Variants in PHACTR1 observed in about 807,000 individuals in gnomAD.
PHACTR1 encodes the protein phosphatase and actin regulator 1.
Under a neutral mutation model 69.2 loss-of-function variants are expected in PHACTR1, and 16 were observed. The observed-to-expected ratio is 0.23, with a 90% CI of 0.16 to 0.35. The LOEUF is 0.35. Among genes scored for constraint, PHACTR1 ranks in the 10% least tolerant of loss-of-function variants. The probability of loss-of-function intolerance (pLI) is 1.00; values close to 1 mark genes in which losing one functional copy is unlikely to be tolerated. For missense variants in PHACTR1, 510 were observed against 734.7 expected (o/e 0.69, Z 3.54); for synonymous variants, 312 against 284.5 (o/e 1.10, Z -0.97).
At chr6:12,965,686 GAA>G (rs1403379330) in intron 4 of PHACTR1, among the ~76,000 whole-genome samples, 1 of 152,134 alleles carries the variant, frequency 6.6e-6, no homozygotes, top group African/African-American at 2.4e-5. Context: ...TGGTTCAACA[GAA>G]ACAAACAGAA....
At chr6:13,231,974 A>G (rs182712758) in intron 10 of PHACTR1, among the ~76,000 whole-genome samples, 3 of 152,316 alleles carry the variant, frequency 2.0e-5, no homozygotes, top group Middle Eastern at 3.4e-3. Flanking sequence ...TGTACCAGAC[A>G]CTGTTGTGAG....
At chr6:13,109,898 T>C (rs1816771074) in intron 5 of PHACTR1, among the ~76,000 whole-genome samples, 1 of 151,672 alleles carries the variant, frequency 6.6e-6, no homozygotes, top group Non-Finnish European at 1.5e-5. Context: ...TCTATTCTTG[T>C]GTCTTCAAGT....
intron 4 of PHACTR1, among the ~76,000 whole-genome samples, chr6:12,807,775 A>G (rs185218228): frequency 2.0e-4 from 31 of 152,278 alleles, no homozygotes; most frequent in African/African-American, 6.7e-4. Context: ...TTCTCCCTAG[A>G]TCTTGAGCTT....
At chr6:12,989,405 A>C (rs986021470) in intron 4 of PHACTR1, among the ~76,000 whole-genome samples, 2 of 152,226 alleles carry the variant, frequency 1.3e-5, no homozygotes, top group African/African-American at 4.8e-5. Flanking sequence ...GAAAGTTATC[A>C]TCAGGAGGTG....
intron 5 of PHACTR1, among the ~76,000 whole-genome samples, chr6:13,132,005 A>G (rs1316745416): frequency 1.3e-5 from 2 of 152,212 alleles, no homozygotes; most frequent in Non-Finnish European, 2.9e-5. Context: ...TAAGTAAAAC[A>G]GTGCACTAGA....
At chr6:12,747,496 T>C (rs1208111206) in intron 3 of PHACTR1, among the ~76,000 whole-genome samples, 1 of 151,772 alleles carries the variant, frequency 6.6e-6, no homozygotes, top group African/African-American at 2.4e-5. Context: ...AGACCGCATC[T>C]CTACAAAAAA....
chr6:13,170,428 A>T (rs922851949), intron 6 of PHACTR1, among the ~76,000 whole-genome samples: 7 of 152,274 alleles, frequency 4.6e-5, no homozygotes, highest in Middle Eastern at 3.4e-3. Context: ...TACGTGGGGC[A>T]TAGTGGGCAT....
intron 4 of PHACTR1, among the ~76,000 whole-genome samples, chr6:12,922,899 C>T (rs1787875263): frequency 6.6e-6 from 1 of 152,178 alleles, no homozygotes; most frequent in Non-Finnish European, 1.5e-5. Flanking sequence ...CACCTCCTCC[C>T]ACAACCCACC....
chr6:13,059,898 A>G (rs368875580), intron 5 of PHACTR1, among the ~76,000 whole-genome samples: 35 of 152,266 alleles, frequency 2.3e-4, no homozygotes, highest in African/African-American at 7.2e-4. Flanking sequence ...GTTTGCATAT[A>G]TATAATAATT....
chr6:12,919,495 G>C (rs917221130), intron 4 of PHACTR1, among the ~76,000 whole-genome samples: 4 of 152,160 alleles, frequency 2.6e-5, no homozygotes, highest in African/African-American at 9.7e-5. Flanking sequence ...GTGCACACTG[G>C]TACTAAGATC....
At chr6:12,728,414 G>T (rs1763070846) in intron 3 of PHACTR1, among the ~76,000 whole-genome samples, 1 of 151,818 alleles carries the variant, frequency 6.6e-6, no homozygotes, top group Admixed American at 6.6e-5. Flanking sequence ...ATTTTATAAG[G>T]TTATATTTAT....
intron 4 of PHACTR1, among the ~76,000 whole-genome samples, chr6:12,879,412 G>A (rs1178460219): frequency 1.3e-5 from 2 of 152,230 alleles, no homozygotes; most frequent in Non-Finnish European, 2.9e-5. Context: ...CAGGCAACTG[G>A]GGAACCCTCG....
chr6:13,038,717 T>C (rs1318106298), intron 4 of PHACTR1, among the ~76,000 whole-genome samples: 1 of 152,160 alleles, frequency 6.6e-6, no homozygotes, highest in African/African-American at 2.4e-5. Context: ...TAGTAATAAC[T>C]AACATAAGAT....
At chr6:12,779,710 A>G (rs1770571973) in intron 4 of PHACTR1, among the ~76,000 whole-genome samples, 1 of 151,922 alleles carries the variant, frequency 6.6e-6, no homozygotes, top group South Asian at 2.1e-4. Context: ...CGAAACGGCT[A>G]TTTTCTTGTT....
At chr6:13,004,114 A>G (rs1188580292) in intron 4 of PHACTR1, among the ~76,000 whole-genome samples, 1 of 150,610 alleles carries the variant, frequency 6.6e-6, no homozygotes, top group African/African-American at 2.5e-5. Context: ...ATAATGATTT[A>G]TTTTCCTTTG....
intron 4 of PHACTR1, among the ~76,000 whole-genome samples, chr6:12,920,543 A>G (rs944343434): frequency 2.0e-5 from 3 of 152,258 alleles, no homozygotes; most frequent in East Asian, 1.9e-4. Flanking sequence ...TCCATTCATT[A>G]TTAAGTTTTT....
chr6:12,752,961 A>G (rs1766808718), intron 4 of PHACTR1, among the ~76,000 whole-genome samples: 1 of 152,238 alleles, frequency 6.6e-6, no homozygotes, highest in South Asian at 2.1e-4. Flanking sequence ...ACTTCTGTTC[A>G]GCATTTAGTA....
intron 10 of PHACTR1, among the ~76,000 whole-genome samples, chr6:13,269,145 C>T (rs966836730): frequency 2.0e-5 from 3 of 152,064 alleles, no homozygotes; most frequent in African/African-American, 4.8e-5. Context: ...CAAATGTAGG[C>T]GCCACCCACA....
intron 4 of PHACTR1, among the ~76,000 whole-genome samples, chr6:12,818,175 GTAACAAACC>G (rs1775803428): frequency 1.3e-5 from 2 of 152,108 alleles, no homozygotes; most frequent in South Asian, 4.1e-4. Flanking sequence ...TGTTTGCTAC[GTAACAAACC>G]TACCCAGAAG....
Sources: gnomAD v4.1 joint callset for allele counts (sites outside exome capture counted in the v4.1 genomes callset) on GRCh38, gnomAD v4.1.1 for gene constraint, MANE v1.5 for transcripts, NCBI Gene and HGNC (gene_info 2026-07-23, HGNC 2026-07-21) for gene names.